Variants in ERICH3 observed in about 807,000 individuals in gnomAD.
The protein encoded by ERICH3 is glutamate-rich protein 3.
A neutral mutation model predicts 131.1 loss-of-function variants in ERICH3; 126 were observed. The observed-to-expected ratio is 0.96, with a 90% confidence interval of 0.83 to 1.11. The LOEUF (loss-of-function observed/expected upper bound fraction) is 1.11, where lower values mean the gene tolerates loss of function less well. Ranked by LOEUF, ERICH3 falls within the 50% of genes most tolerant of loss-of-function variation. The pLI is 0.00. For synonymous variants in ERICH3, 695 were observed against 644.6 expected (o/e 1.08, Z -1.18); for missense variants, 2,050 against 1,810.7 (o/e 1.13, Z -2.40).
chr1:74,605,570 TA>T (rs1287925775), intron 10 of ERICH3, among the ~76,000 whole-genome samples: 1 of 151,740 alleles, frequency 6.6e-6, no homozygotes, highest in Non-Finnish European at 1.5e-5. Context: ...GTGTATTATG[TA>T]GGGTTATTAA....
In ERICH3 at chr1:74,572,400, C is replaced by T. The variant is rs2100506936; in HGVS notation, c.3310G>A (p.Glu1104Lys). The T allele has an allele frequency of 6.2e-7, 1 of 1,613,756 alleles. No individual in the cohort carries two copies. The highest frequency in any genetic ancestry group is 8.5e-7 in the Non-Finnish European group (1 of 1,180,020). Residue 1104 changes from glutamate (E) to lysine (K), a missense_variant, in exon 14 of 15, where the codon GAA (glutamate) becomes AAA (lysine). Glu to Lys is a moderately conservative substitution (Grantham distance 56). Transcript: ENST00000326665. ...EEQKLKAEEG[E>K]TETEVRAEEE... ...TCAGCTCTTACTTCTGTCTCTGTTT[C>T]CCCTTCTTCCGCTTTAAGTTTTTGC...
intron 9 of ERICH3, 28 bp downstream of exon 9, chr1:74,612,595 C>A: frequency 6.7e-7 from 1 of 1,497,292 alleles, no homozygotes; most frequent in Non-Finnish European, 9.0e-7. Flanking sequence ...AAAACTTGCC[C>A]TCTACCAAAG....
chr1:74,630,811 C>T (rs1367689007), intron 7 of ERICH3, among the ~76,000 whole-genome samples: 5 of 151,494 alleles, frequency 3.3e-5, no homozygotes, highest in East Asian at 1.9e-4. Context: ...TGATCAAAGA[C>T]GCAGGGCAAG....
At chr1:74,633,202 A>G (rs1375810399) in intron 6 of ERICH3, among the ~76,000 whole-genome samples, 4 of 151,884 alleles carry the variant, frequency 2.6e-5, no homozygotes, top group African/African-American at 9.7e-5. Context: ...GAGCAAAAGG[A>G]ACTTATAAAT....
chr1:74,672,936 C>A (rs1222093875), intron 1 of ERICH3, among the ~76,000 whole-genome samples: 1 of 152,040 alleles, frequency 6.6e-6, no homozygotes, highest in Non-Finnish European at 1.5e-5. Context: ...TTTTCCTGTG[C>A]CATATAACCT....
At chr1:74,644,371 G>A (rs1247199017) in intron 3 of ERICH3, among the ~76,000 whole-genome samples, 1 of 151,924 alleles carries the variant, frequency 6.6e-6, no homozygotes, top group Non-Finnish European at 1.5e-5. Flanking sequence ...AACTACTTTT[G>A]CCAAGTCCAC....
chr1:74,588,409 C>T (rs1647435237), intron 12 of ERICH3, among the ~76,000 whole-genome samples: 1 of 151,938 alleles, frequency 6.6e-6, no homozygotes, highest in African/African-American at 2.4e-5. Flanking sequence ...GACTATGGTG[C>T]CTTGTGCATA....
chr1:74,572,331 C>T lies in ERICH3; in HGVS notation c.3379G>A (p.Glu1127Lys). 1 of 1,613,800 alleles carries T rather than the reference C, an allele frequency of 6.2e-7. No individual in the cohort carries two copies. Among genetic ancestry groups the T allele is most frequent in the Non-Finnish European group, 8.5e-7 (1 of 1,179,990 alleles). Residue 1127 changes from glutamate (E) to lysine (K), a missense_variant, in exon 14 of 15, where the codon GAG (glutamate) becomes AAG (lysine). By Grantham distance (56) the Glu-to-Lys change is moderately conservative (BLOSUM62 1). Coordinates refer to ENST00000326665, the MANE Select transcript of ERICH3 (RefSeq NM_001002912.5). Reference sequence around the variant, plus strand: ...GAAGCCTCCACAGGTGCTTCGTTCTCAGCATCAGATCCCATTTCATTTGGG... The same window carrying T: ...GAAGCCTCCACAGGTGCTTCGTTCTTAGCATCAGATCCCATTTCATTTGGG... ...APPNEMGSDA[E>K]NEAPVEASEL...
At chr1:74,601,391 C>T (rs1324848053) in intron 10 of ERICH3, among the ~76,000 whole-genome samples, 1 of 151,740 alleles carries the variant, frequency 6.6e-6, no homozygotes, top group Non-Finnish European at 1.5e-5. Flanking sequence ...GAAAGACTCT[C>T]CAATTTTTAT....
chr1:74,668,652 T>C (rs988687017), intron 1 of ERICH3, among the ~76,000 whole-genome samples: 1 of 152,148 alleles, frequency 6.6e-6, no homozygotes, highest in East Asian at 1.9e-4. Context: ...TACATGAACA[T>C]GTTTGTTAAA....
chr1:74,624,525 TG>T (rs1188791767), intron 7 of ERICH3: 4 of 152,260 alleles, frequency 2.6e-5, no homozygotes, highest in Non-Finnish European at 5.9e-5. Context: ...CATTTTCTTT[TG>T]GGCCATTTTT....
intron 13 of ERICH3, among the ~76,000 whole-genome samples, chr1:74,574,208 G>T (rs1169011930): frequency 1.3e-5 from 2 of 151,824 alleles, no homozygotes; most frequent in Non-Finnish European, 2.9e-5. Flanking sequence ...TTTCCATGTT[G>T]CCCTGGCTGG....
chr1:74,644,094 G>T (rs567195167), intron 3 of ERICH3, among the ~76,000 whole-genome samples: 2 of 151,886 alleles, frequency 1.3e-5, no homozygotes, highest in Non-Finnish European at 2.9e-5. Flanking sequence ...AGACATATTT[G>T]AGAGTGTTTT....
intron 6 of ERICH3, chr1:74,634,522 GT>G: frequency 1.7e-6 from 1 of 590,326 alleles, no homozygotes; most frequent in Non-Finnish European, 3.0e-6. Flanking sequence ...GATTTGAAGA[GT>G]CACATTAAAG....
Position 74,673,631 on chromosome 1 carries a change from TC to T in ERICH3, c.-113del. Reference sequence around the variant, plus strand: ...CTCGAGGGGTGGCTCCGCACCGAGGTCCCCTGTGCGCGGGCACCTGGGCTGG... The same window carrying T: ...CTCGAGGGGTGGCTCCGCACCGAGGTCCCTGTGCGCGGGCACCTGGGCTGG... On this transcript the variant is annotated 5_prime_UTR_variant, in exon 1 of 15. Transcript: ENST00000326665. 22 of 1,242,330 alleles carry T rather than the reference TC, an allele frequency of 1.8e-5. No homozygotes were observed. Among genetic ancestry groups the T allele is most frequent in the Non-Finnish European group, 2.3e-5 (21 of 903,848 alleles). The allele number at this position is 1,242,330 out of a possible 1,614,324, so 77.0% of individuals were successfully genotyped here.
At position 74,568,793 on chromosome 1, in the gene ERICH3, A is replaced by G. The variant is rs1464096429; in HGVS notation, c.*1665T>C. ...AAATGCCTCTGTAGTTGGCTTTCCA[A>G]CTGAGACTAATCCTCAATACAATCA... On this transcript the variant is annotated 3_prime_UTR_variant, in exon 15 of 15. Transcript: ENST00000326665. 6.6e-6 allele frequency: 1 copy of G among 152,226 alleles called. No individual in the cohort carries two copies. Among genetic ancestry groups the G allele is most frequent in the East Asian group, 1.9e-4 (1 of 5,198 alleles). 9.4% of individuals were successfully genotyped at this position (152,226 alleles called of 1,614,324 possible).
chr1:74,638,575 A>G (rs536071022), intron 5 of ERICH3, among the ~76,000 whole-genome samples: 1 of 152,358 alleles, frequency 6.6e-6, no homozygotes, highest in South Asian at 2.1e-4. Context: ...TGGGAAGAGT[A>G]GCAAAGATAA....
chr1:74,574,056 AC>A lies in ERICH3; in HGVS notation c.2219-566del, dbSNP rs57166518. Among the ~76,000 whole-genome samples, 271 of 151,314 alleles carry A rather than the reference AC, an allele frequency of 1.8e-3. 2 individuals carry two copies. The highest frequency in any genetic ancestry group is 6.4e-3 in the African/African-American group (262 of 41,166). The stretch of plus-strand genomic sequence containing the variant: ...CCCAGGCTGGAGGGCAGCAGTGTGA[AC>A]GTGGCCCACTTCAGCCTTGATTTCC... On this transcript the variant is annotated intron_variant, in intron 13 of 14. Coordinates refer to ENST00000326665, the MANE Select transcript of ERICH3 (RefSeq NM_001002912.5).
rs74093420 is a variant in ERICH3 at position 74,579,247 on chromosome 1, G to A, written c.2177-2311C>T. ...AATTACATGAAGCTTCATTCCATCA[G>A]TGCTAAGACATCAAAGCTTTTTCCA... On this transcript the variant is annotated intron_variant, in intron 12 of 14. Transcript: ENST00000326665. Among the ~76,000 whole-genome samples, 483 of 152,186 alleles carry A rather than the reference G, an allele frequency of 3.2e-3. 1 individual carries two copies. Among genetic ancestry groups the A allele is most frequent in the African/African-American group, 0.011 (455 of 41,542 alleles).
Sources: gnomAD v4.1 joint callset for allele counts (sites outside exome capture counted in the v4.1 genomes callset) on GRCh38, gnomAD v4.1.1 for gene constraint, MANE v1.5 for transcripts, NCBI Gene and HGNC (gene_info 2026-07-23, HGNC 2026-07-21) for gene names.